Variants in PTGIS observed in about 807,000 individuals in gnomAD.
PTGIS encodes the protein prostaglandin I2 synthase, also known as prostacyclin synthase.
PTGIS carries 45 observed loss-of-function variants against 50.3 expected under a neutral mutation model. The observed-to-expected ratio is 0.90, with a 90% CI of 0.70 to 1.15. PTGIS has a LOEUF of 1.15. PTGIS is among the 50% of genes most tolerant of loss of function. PTGIS has a pLI of 0.00. For synonymous variants in PTGIS, 260 were observed against 267.7 expected, an observed-to-expected ratio of 0.97 and a Z score of 0.28; for missense variants, 668 against 661.3, an observed-to-expected ratio of 1.01 and a Z score of -0.11.
Position 49,513,311 on chromosome 20 carries a change from C to G in PTGIS, c.1025-50G>C, listed in dbSNP as rs927717874. On this transcript the variant is annotated intron_variant, in intron 7 of 9. Transcript: ENST00000244043. Reference sequence around the variant, plus strand: ...AGTCAGCGGGCTATCCCTTCACCTGCTCATATGCCAACCCCAGCTCTTATT... The same window carrying G: ...AGTCAGCGGGCTATCCCTTCACCTGGTCATATGCCAACCCCAGCTCTTATT... 5 of 1,577,384 alleles carry G rather than the reference C, an allele frequency of 3.2e-6. No individual in the cohort carries two copies. The South Asian group carries it at 5.7e-5, about 18-fold the overall frequency.
At chr20:49,537,008 C>T (rs983840962) in intron 5 of PTGIS, among the ~76,000 whole-genome samples, 3 of 152,202 alleles carry the variant, frequency 2.0e-5, no homozygotes, top group Non-Finnish European at 4.4e-5. Context: ...GTAGAAGTAA[C>T]TTGCTCCGAG....
In PTGIS at chr20:49,513,166, C is replaced by A; in HGVS notation, c.1120G>T (p.Glu374Ter). The A allele has an allele frequency of 1.2e-6, 2 of 1,614,148 alleles. No homozygotes were observed. The highest frequency in any genetic ancestry group is 1.7e-6 in the Non-Finnish European group (2 of 1,180,048). The change falls in exon 8 of 10, where the codon GAA becomes TAA. Residue 374 changes from glutamate to a stop codon, truncating the protein, a stop_gained. Transcript: ENST00000244043. LOFTEE classifies it high-confidence loss of function. Reference sequence around the variant, plus strand: ...CGGTCACCACGTCGCAGGTTGAATTCTCGCCCGTCTGCCATGGGCATGGCC... The same window carrying A: ...CGGTCACCACGTCGCAGGTTGAATTATCGCCCGTCTGCCATGGGCATGGCC... The part of the protein sequence containing the change: ...DLAMPMADGR[E>*]FNLRRGDRLL...
intron 9 of PTGIS, among the ~76,000 whole-genome samples, chr20:49,509,285 C>A (rs1048523094): frequency 6.6e-6 from 1 of 152,196 alleles, no homozygotes; most frequent in African/African-American, 2.4e-5. Context: ...CCTGGGAACA[C>A]GGCAAATGAT....
chr20:49,514,080 G>A (rs1402556825), intron 7 of PTGIS, 147 bp downstream of exon 7: 4 of 889,798 alleles, frequency 4.5e-6, no homozygotes, highest in Admixed American at 4.3e-5. Context: ...GAGATGCCAG[G>A]TGTGTGAAGA....
chr20:49,535,509 T>A lies in PTGIS; in HGVS notation c.673+4061A>T, dbSNP rs186315316. ...TGTGAGGGCTAAAAAAATGTATTGG[T>A]TTTTTGTTTTTGTTTTTGTTTTGAG... is the stretch of plus-strand genomic sequence containing the variant. On this transcript the variant is annotated intron_variant, in intron 5 of 9. Coordinates refer to ENST00000244043, the MANE Select transcript of PTGIS (RefSeq NM_000961.4). Among the ~76,000 whole-genome samples the A allele has an allele frequency of 6.6e-5, 10 of 152,046 alleles. No individual in the cohort carries two copies. The East Asian group carries it at 9.6e-4, about 15-fold the overall frequency.
intron 5 of PTGIS, among the ~76,000 whole-genome samples, chr20:49,531,461 C>T (rs1313804645): frequency 6.6e-6 from 1 of 152,126 alleles, no homozygotes; most frequent in Non-Finnish European, 1.5e-5. Context: ...TCACTACAGA[C>T]GTTCAACAAA....
intron 6 of PTGIS, 50 bp from the exon 7 acceptor site, chr20:49,514,445 C>G (rs7274202): frequency 1.1e-5 from 17 of 1,596,564 alleles, no homozygotes; most frequent in Middle Eastern, 2.1e-4. Flanking sequence ...AGAGCTGACT[C>G]GTCTCTGCCA....
chr20:49,537,909 T>A (rs1982121114), intron 5 of PTGIS, among the ~76,000 whole-genome samples: 1 of 152,126 alleles, frequency 6.6e-6, no homozygotes, highest in Non-Finnish European at 1.5e-5. Flanking sequence ...CAGGAATGGA[T>A]AAACAAATTG....
intron 7 of PTGIS, 140 bp downstream of exon 7, chr20:49,514,083 TGTGA>T: frequency 1.1e-6 from 1 of 919,858 alleles, no homozygotes; most frequent in Admixed American, 2.1e-5. Flanking sequence ...ATGCCAGGTG[TGTGA>T]AGATAGGAGG....
intron 1 of PTGIS, among the ~76,000 whole-genome samples, chr20:49,556,127 T>G (rs1982618186): frequency 6.6e-6 from 1 of 152,246 alleles, no homozygotes; most frequent in Non-Finnish European, 1.5e-5. Flanking sequence ...AAGTATACTC[T>G]CATGAGAAAA....
intron 6 of PTGIS, 63 bp from the exon 7 acceptor site, chr20:49,514,458 G>C (rs1981420999): frequency 1.3e-6 from 2 of 1,576,230 alleles, no homozygotes; most frequent in Non-Finnish European, 1.7e-6. Flanking sequence ...CTCTGCCAGG[G>C]ACACAGCTCG....
intron 1 of PTGIS, among the ~76,000 whole-genome samples, chr20:49,564,152 A>T (rs1982839881): frequency 6.6e-6 from 1 of 152,252 alleles, no homozygotes; most frequent in African/African-American, 2.4e-5. Flanking sequence ...GAACTACATG[A>T]CATTAAGAAT....
chr20:49,544,350 C>T lies in PTGIS; in HGVS notation c.476G>A (p.Trp159Ter). 1 of 1,614,166 alleles carries T rather than the reference C, an allele frequency of 6.2e-7. No individual in the cohort carries two copies. Among genetic ancestry groups the T allele is most frequent in the Non-Finnish European group, 8.5e-7 (1 of 1,180,028 alleles). Residue 159 changes from tryptophan (W) to a stop codon, truncating the protein, a stop_gained, in exon 4 of 10, where the codon TGG (tryptophan) becomes TAG (stop). Transcript: ENST00000244043. LOFTEE classifies it high-confidence loss of function. Reference protein sequence around the residue: ...LGDATEAGSGWHEMGLLDFSY... With the variant: ...LGDATEAGSG ...GAAGTCGAGGAGACCCATCTCGTGC[C>T]AGCCACTGCCTGCTTCTGTAGCATC...
chr20:49,556,638 A>T (rs867499604), intron 1 of PTGIS, among the ~76,000 whole-genome samples: 1 of 152,212 alleles, frequency 6.6e-6, no homozygotes, highest in African/African-American at 2.4e-5. Flanking sequence ...GTATAATATA[A>T]CTAAAACTTA....
intron 6 of PTGIS, among the ~76,000 whole-genome samples, chr20:49,523,662 C>G (rs1981712841): frequency 1.3e-5 from 2 of 151,974 alleles, no homozygotes. Context: ...AACTGTGGTC[C>G]CAGCTACTCG....
intron 4 of PTGIS, among the ~76,000 whole-genome samples, chr20:49,541,394 C>T (rs953250075): frequency 3.3e-5 from 5 of 152,014 alleles, no homozygotes; most frequent in African/African-American, 7.3e-5. Flanking sequence ...AACCATTTCC[C>T]GGTACATATA....
chr20:49,552,956 A>G (rs1035350744), intron 1 of PTGIS, among the ~76,000 whole-genome samples: 14 of 152,178 alleles, frequency 9.2e-5, no homozygotes, highest in Admixed American at 2.0e-4. Flanking sequence ...AAAAAAATAC[A>G]TAAGAGGTCT....
At chr20:49,539,872 G>A in intron 4 of PTGIS, 151 bp from the exon 5 acceptor site, 4 of 1,075,700 alleles carry the variant, frequency 3.7e-6, no homozygotes, top group Admixed American at 4.5e-5. Flanking sequence ...AGTCGGCAGT[G>A]AAAAAAACAA....
chr20:49,549,449 C>T (rs915209521), intron 2 of PTGIS, among the ~76,000 whole-genome samples: 1 of 152,140 alleles, frequency 6.6e-6, no homozygotes, highest in Admixed American at 6.5e-5. Context: ...ATTTTCAATT[C>T]GTGGCCGGTT....
Sources: gnomAD v4.1 joint callset for allele counts (sites outside exome capture counted in the v4.1 genomes callset) on GRCh38, gnomAD v4.1.1 for gene constraint, MANE v1.5 for transcripts, NCBI Gene and HGNC (gene_info 2026-07-23, HGNC 2026-07-21) for gene names.